The following MATN3 variants were observed in gnomAD, a reference collection of about 807,000 sequenced individuals.
MATN3 encodes the protein matrilin 3.
A neutral mutation model predicts 45.3 loss-of-function variants in MATN3; 48 were observed. The observed-to-expected ratio is 1.06, with a 90% CI of 0.84 to 1.35. The LOEUF is 1.35. MATN3 is among the 40% of genes most tolerant of loss of function. MATN3 has a pLI of 0.00. For missense variants in MATN3, 599 were observed against 628.0 expected (o/e 0.95, Z 0.49); for synonymous variants, 217 against 245.9 (o/e 0.88, Z 1.10).
intron 5 of MATN3, among the ~76,000 whole-genome samples, chr2:19,999,601 C>T (rs973213773): frequency 9.2e-5 from 13 of 141,520 alleles, no homozygotes; most frequent in Admixed American, 5.2e-4. Flanking sequence ...AGTAGGTGTC[C>T]GGTATTTTTT....
In MATN3 at chr2:20,012,370, G is replaced by C. The variant is rs1012577121; in HGVS notation, c.223+39C>G. ...TGGTGGATGCCCTGGGCTTCTCCTC[G>C]TTCGATGCTCACGCGTCCCTCCCGC... On this transcript the variant is annotated intron_variant, in intron 1 of 7. Transcript: ENST00000407540. The surrounding 1 kb of genome is among the most constrained non-coding windows in gnomAD (Gnocchi z 4.3). The C allele has an allele frequency of 2.5e-6, 3 of 1,218,542 alleles. No homozygotes were observed. Among genetic ancestry groups the C allele is most frequent in the East Asian group, 3.2e-5 (1 of 31,504 alleles). The allele number at this position is 1,218,542 out of a possible 1,614,324, so 75.5% of individuals were successfully genotyped here.
chr2:19,993,150 C>G lies in MATN3; in HGVS notation c.1422G>C (p.Glu474Asp), dbSNP rs1672793587. The G allele has an allele frequency of 6.2e-7, 1 of 1,612,118 alleles. No homozygotes were observed. The highest frequency in any genetic ancestry group is 8.5e-7 in the Non-Finnish European group (1 of 1,178,842). Residue 474 changes from glutamate (E) to aspartate (D), a missense_variant, in exon 8 of 8, where the codon GAG becomes GAC. By Grantham distance (45) the Glu-to-Asp change is conservative. Coordinates refer to ENST00000407540, the MANE Select transcript of MATN3 (RefSeq NM_002381.5). ...RLNTKLDDIL[E>D]KLKINEYGQI... ...GTCCATATTCATTTATTTTCAACTT[C>G]TCCAAAATGTCATCAAGTGGCAAGT...
intron 1 of MATN3, among the ~76,000 whole-genome samples, chr2:20,010,067 T>TAGAAAAAAAAAAAAAAAAAAAAAA (rs1673188771): frequency 1.5e-5 from 1 of 68,706 alleles, no homozygotes; most frequent in East Asian, 6.5e-4. Flanking sequence ...CTTCAAATAC[T>TAGAAAAAAAAAAAAAAAAAAAAAA]AAAAAAAAAA....
chr2:20,010,066 C>CAAAAAAAAAAAAAAAAAAA lies in MATN3; in HGVS notation c.223+2342_223+2343insTTTTTTTTTTTTTTTTTTT, dbSNP rs1558376342. 1.8e-3 allele frequency among the ~76,000 whole-genome samples: 10 copies of CAAAAAAAAAAAAAAAAAAA among 5,554 alleles called. 1 individual carries two copies. The highest frequency in any genetic ancestry group is 2.0e-3 in the Non-Finnish European group (8 of 4,036). 3.6% of individuals were successfully genotyped at this position (5,554 alleles called of 152,430 possible). A position where few individuals can be genotyped will look rare whatever the true frequency, so the allele number is the denominator to read the frequency against. On this transcript the variant is annotated intron_variant, in intron 1 of 7. Coordinates refer to ENST00000407540, the MANE Select transcript of MATN3 (RefSeq NM_002381.5). ...GTCTCAGAATAAATCTCTTCAAATA[C>CAAAAAAAAAAAAAAAAAAA]TAAAAAAAAAAAAAAAAAAAAAAAC...
chr2:19,998,438 T>C (rs557719620), intron 5 of MATN3, among the ~76,000 whole-genome samples: 1 of 152,314 alleles, frequency 6.6e-6, no homozygotes, highest in African/African-American at 2.4e-5. Flanking sequence ...CCCAGCTTTA[T>C]AGCAGTATTC....
At chr2:20,008,082 C>G (rs369502737) in intron 1 of MATN3, among the ~76,000 whole-genome samples, 93 of 151,396 alleles carry the variant, frequency 6.1e-4, no homozygotes, top group African/African-American at 2.2e-3. Flanking sequence ...CCTGCCTCAG[C>G]CTCCTGAGTA....
At chr2:20,005,243 G>A (rs1673070570) in intron 2 of MATN3, among the ~76,000 whole-genome samples, 1 of 152,192 alleles carries the variant, frequency 6.6e-6, no homozygotes, top group Non-Finnish European at 1.5e-5. Flanking sequence ...CACTCGGGCT[G>A]ACGGTGACAT....
At chr2:20,000,342 T>G in intron 5 of MATN3, 99 bp downstream of exon 5, 51 of 1,085,438 alleles carry the variant, frequency 4.7e-5, no homozygotes, top group Middle Eastern at 2.9e-4. Context: ...GTCTGAACCT[T>G]GATCTTAAGT....
At chr2:20,003,720 C>CTA (rs1673037417) in intron 2 of MATN3, among the ~76,000 whole-genome samples, 1 of 152,196 alleles carries the variant, frequency 6.6e-6, no homozygotes, top group African/African-American at 2.4e-5. Context: ...TTCCAAGGTT[C>CTA]TATAGCCTAT....
chr2:19,994,610 G>A (rs1480133411), intron 6 of MATN3, among the ~76,000 whole-genome samples: 1 of 152,212 alleles, frequency 6.6e-6, no homozygotes, highest in Admixed American at 6.5e-5. Flanking sequence ...ATACATTGGG[G>A]AAAATGTTTA....
chr2:20,011,282 G>A (rs1343095995), intron 1 of MATN3, among the ~76,000 whole-genome samples: 2 of 152,268 alleles, frequency 1.3e-5, no homozygotes, highest in Non-Finnish European at 2.9e-5. Flanking sequence ...CAGGACTAGA[G>A]TAAGATTAAC....
At chr2:20,002,217 A>C (rs558582652) in intron 3 of MATN3, 137 bp from the exon 4 acceptor site, 507 of 698,446 alleles carry the variant, frequency 7.3e-4, no homozygotes, top group Non-Finnish European at 2.9e-4. Context: ...AGGGAGGGGC[A>C]GCTGGGAGTT....
Position 20,012,319 on chromosome 2 carries a change from G to T in MATN3, c.223+90C>A, listed in dbSNP as rs1673233062. 2 of 1,018,714 alleles carry T rather than the reference G, an allele frequency of 2.0e-6. No individual in the cohort carries two copies. The highest frequency in any genetic ancestry group is 2.5e-6 in the Non-Finnish European group (2 of 796,158). 63.1% of individuals were successfully genotyped at this position (1,018,714 alleles called of 1,614,324 possible). On this transcript the variant is annotated intron_variant, in intron 1 of 7. Coordinates refer to ENST00000407540, the MANE Select transcript of MATN3 (RefSeq NM_002381.5). The surrounding 1 kb of genome is among the most constrained non-coding windows in gnomAD (Gnocchi z 4.3). ...GGCCTCTTTCCCCCGCACCACGGTC[G>T]GCCTGAGGCCGGGATGAAGCGCGCT...
Position 19,995,233 on chromosome 2 carries a change from G to A in MATN3, c.1295-824C>T, listed in dbSNP as rs564370332. On this transcript the variant is annotated intron_variant, in intron 6 of 7. Transcript: ENST00000407540. This position sits in a 1 kb window ranked among gnomAD's most constrained non-coding sequence, Gnocchi z 4.2. The stretch of plus-strand genomic sequence containing the variant: ...TTTGGGAGGCCAAGGTGGGTGGAAC[G>A]CTTGAAGTCAGGAGTTCAAGACCAG... Among the ~76,000 whole-genome samples, 83 of 152,234 alleles carry A rather than the reference G, an allele frequency of 5.5e-4. No individual in the cohort carries two copies. The highest frequency in any genetic ancestry group is 9.7e-4 in the Non-Finnish European group (66 of 68,010).
chr2:19,998,686 G>A (rs1392475283), intron 5 of MATN3, among the ~76,000 whole-genome samples: 1 of 152,052 alleles, frequency 6.6e-6, no homozygotes, highest in Non-Finnish European at 1.5e-5. Flanking sequence ...GAGCCCGGGA[G>A]GTAGAGGCTG....
chr2:20,006,125 G>A lies in MATN3; in HGVS notation c.409C>T (p.Leu137Phe), dbSNP rs1673102074. The stretch of plus-strand genomic sequence containing the variant: ...GACTGCTTATCTGTGTAGGCCTGGA[G>A]TTGGAACTCGATCTTCACAGTGCTA... ...YASTVKIEFQ[L>F]QAYTDKQSLK... The change falls in exon 2 of 8, where the codon CTC becomes TTC. Residue 137 changes from leucine (L) to phenylalanine (F), a missense_variant. Coordinates refer to ENST00000407540, the MANE Select transcript of MATN3 (RefSeq NM_002381.5). 2 of 1,613,748 alleles carry A rather than the reference G, an allele frequency of 1.2e-6. No individual in the cohort carries two copies. Among genetic ancestry groups the A allele is most frequent in the Admixed American group, 1.7e-5 (1 of 60,002 alleles).
chr2:20,005,731 C>A lies in MATN3; in HGVS notation c.790+13G>T. 1 of 1,570,798 alleles carries A rather than the reference C, an allele frequency of 6.4e-7. No homozygotes were observed. The highest frequency in any genetic ancestry group is 1.2e-5 in the South Asian group (1 of 85,994). On this transcript the variant is annotated intron_variant, in intron 2 of 7. Transcript: ENST00000407540. ...CATCCTTTCTAGTTGGAAGCAAAGACTGACCAACTTACCACAGAAGGTTTC... is the reference window on the plus strand; with the variant it reads ...CATCCTTTCTAGTTGGAAGCAAAGAATGACCAACTTACCACAGAAGGTTTC...
rs1179402620 is a variant in MATN3, at chr2:20,012,355, C to A, written c.223+54G>T. ...GGGATGAAGCGCGCTTGGTGGATGC[C>A]CTGGGCTTCTCCTCGTTCGATGCTC... On this transcript the variant is annotated intron_variant, in intron 1 of 7. Transcript: ENST00000407540. This position sits in a 1 kb window ranked among gnomAD's most constrained non-coding sequence, Gnocchi z 4.3. The A allele has an allele frequency of 3.3e-6, 4 of 1,201,338 alleles. No individual in the cohort carries two copies. Among genetic ancestry groups the A allele is most frequent in the Admixed American group, 8.5e-5 (2 of 23,514 alleles). 74.4% of individuals were successfully genotyped at this position (1,201,338 alleles called of 1,614,324 possible).
At chr2:20,005,611 C>A in intron 2 of MATN3, 133 bp downstream of exon 2, 1 of 748,204 alleles carries the variant, frequency 1.3e-6, no homozygotes, top group Non-Finnish European at 2.2e-6. Context: ...CACGTGCACA[C>A]ACACACACGC....
Sources: gnomAD v4.1 joint callset for allele counts (sites outside exome capture counted in the v4.1 genomes callset) on GRCh38, gnomAD v4.1.1 for gene constraint, Gnocchi (gnomAD v3.1) non-coding constraint, MANE v1.5 for transcripts, NCBI Gene and HGNC (gene_info 2026-07-23, HGNC 2026-07-21) for gene names.